The following UBE2O variants were observed in gnomAD, a reference collection of about 807,000 sequenced individuals.
UBE2O encodes the protein (E3-independent) E2 ubiquitin-conjugating enzyme.
A neutral mutation model predicts 125.8 loss-of-function variants in UBE2O; 15 were observed. The observed-to-expected ratio is 0.12, with a 90% CI of 0.08 to 0.18. The LOEUF (loss-of-function observed/expected upper bound fraction) is 0.18. Ranked by LOEUF, UBE2O falls within the 10% of genes least tolerant of loss-of-function variation. The pLI is 1.00. For missense variants in UBE2O, 1,280 were observed against 1,723.6 expected (o/e 0.74, Z 4.56); for synonymous variants, 708 against 703.2 (o/e 1.01, Z -0.11).
In UBE2O at chr17:76,390,535, G is replaced by C. The variant is rs1362504440; in HGVS notation, c.*408C>G. 1 of 168,698 alleles carries C rather than the reference G, an allele frequency of 5.9e-6. No homozygotes were observed. The highest frequency in any genetic ancestry group is 1.3e-5 in the Non-Finnish European group (1 of 78,894). 10.5% of individuals were successfully genotyped at this position (168,698 alleles called of 1,614,324 possible). A position where few individuals can be genotyped will look rare whatever the true frequency, so the allele number is the denominator to read the frequency against. On this transcript the variant is annotated 3_prime_UTR_variant, in exon 18 of 18. Transcript: ENST00000319380. ...TTGAAAGGGACCAGGGGAATTGTTG[G>C]CGCAACCCACACTTCATGCAAGGCA...
rs182501227 is a variant in UBE2O at position 76,404,757 on chromosome 17, A to G, written c.588+449T>C. 6.6e-6 allele frequency among the ~76,000 whole-genome samples: 1 copy of G among 152,076 alleles called. No individual in the cohort carries two copies. Among genetic ancestry groups the G allele is most frequent in the Admixed American group, 6.6e-5 (1 of 15,264 alleles). On this transcript the variant is annotated intron_variant, in intron 3 of 17. Coordinates refer to ENST00000319380, the MANE Select transcript of UBE2O (RefSeq NM_022066.4). This position sits in a 1 kb window ranked among gnomAD's most constrained non-coding sequence, Gnocchi z 4.3. ...GCTTGCTGTCAAATGTTTTGGGAAGAAAAAAGACCGGAGGGGGATCTCGGG... is the reference window on the plus strand; with the variant it reads ...GCTTGCTGTCAAATGTTTTGGGAAGGAAAAAGACCGGAGGGGGATCTCGGG...
At chr17:76,419,020 G>C (rs562562136) in intron 1 of UBE2O, among the ~76,000 whole-genome samples, 55 of 152,086 alleles carry the variant, frequency 3.6e-4, no homozygotes, top group Admixed American at 1.0e-3. Flanking sequence ...ACGGTGACTC[G>C]CGCTGTAATA....
At chr17:76,416,360 G>A (rs1420276078) in intron 1 of UBE2O, among the ~76,000 whole-genome samples, 1 of 152,112 alleles carries the variant, frequency 6.6e-6, no homozygotes, top group Admixed American at 6.5e-5. Context: ...TGCTGCCTGG[G>A]AATCATCTGA....
chr17:76,407,714 C>A (rs547025227), intron 1 of UBE2O, among the ~76,000 whole-genome samples: 6 of 152,232 alleles, frequency 3.9e-5, no homozygotes, highest in Non-Finnish European at 8.8e-5. Flanking sequence ...AAAAAAACAG[C>A]TGGTGAAAGC....
At position 76,399,169 on chromosome 17, in the gene UBE2O, A is replaced by C; in HGVS notation, c.1629-178T>G. The C allele has an allele frequency of 3.6e-6, 3 of 843,798 alleles. No homozygotes were observed. Among genetic ancestry groups the C allele is most frequent in the Non-Finnish European group, 5.4e-6 (3 of 558,148 alleles). The allele number at this position is 843,798 out of a possible 1,614,324, so 52.3% of individuals were successfully genotyped here. On this transcript the variant is annotated intron_variant, in intron 9 of 17. Coordinates refer to ENST00000319380, the MANE Select transcript of UBE2O (RefSeq NM_022066.4). The surrounding 1 kb of genome is among the most constrained non-coding windows in gnomAD (Gnocchi z 6.9). ...CTCACCCAGGGTTCCAAGGCCACGC[A>C]TTCTCTGAGAACAGGATCCACTTGG...
chr17:76,398,568 GTCTGGACAGC>G lies in UBE2O; in HGVS notation c.1790_1799del (p.Ser597ThrfsTer20). 6.2e-7 allele frequency: 1 copy of G among 1,614,050 alleles called. No individual in the cohort carries two copies. Among genetic ancestry groups the G allele is most frequent in the Non-Finnish European group, 8.5e-7 (1 of 1,180,008 alleles). On this transcript the variant is annotated frameshift_variant, in exon 11 of 18. Transcript: ENST00000319380. LOFTEE classifies it high-confidence loss of function. This position sits in a 1 kb window ranked among gnomAD's most constrained non-coding sequence, Gnocchi z 5.4. ...ACTGTACCACACCGTAGACAGCAGG[GTCTGGACAGC>G]TCTGGACTAGGGAACCAGAGAAAGG...
Position 76,396,100 on chromosome 17 carries a change from G to A in UBE2O, c.2809+28C>T, listed in dbSNP as rs751508295. On this transcript the variant is annotated intron_variant, in intron 14 of 17. Coordinates refer to ENST00000319380, the MANE Select transcript of UBE2O (RefSeq NM_022066.4). This position sits in a 1 kb window ranked among gnomAD's most constrained non-coding sequence, Gnocchi z 6.7. ...CAGGAGCCCCGAGAAGGCGGGGGAA[G>A]GCGAAGACCAGGCAAGGGCTGACTC... 8 of 1,606,594 alleles carry A rather than the reference G, an allele frequency of 5.0e-6. No individual in the cohort carries two copies. Among genetic ancestry groups the A allele is most frequent in the Non-Finnish European group, 6.8e-6 (8 of 1,176,190 alleles).
chr17:76,392,399 G>A (rs780378619), intron 15 of UBE2O, among the ~76,000 whole-genome samples: 1 of 151,962 alleles, frequency 6.6e-6, no homozygotes, highest in Non-Finnish European at 1.5e-5. Context: ...CCAAGTAGCC[G>A]GGACTACAGT....
rs1184331785 is a variant in UBE2O, at chr17:76,400,558, T to C, written c.895-8A>G. 12 of 1,596,322 alleles carry C rather than the reference T, an allele frequency of 7.5e-6. No homozygotes were observed. Among genetic ancestry groups the C allele is most frequent in the Admixed American group, 6.7e-5 (4 of 59,370 alleles). On this transcript the variant is annotated splice_region_variant and splice_polypyrimidine_tract_variant and intron_variant, in intron 6 of 17. Coordinates refer to ENST00000319380, the MANE Select transcript of UBE2O (RefSeq NM_022066.4). The surrounding 1 kb of genome is among the most constrained non-coding windows in gnomAD (Gnocchi z 4.3). Reference sequence around the variant, plus strand: ...CAACTCTACAACCTGCACCTGGGGATGGCAGGTGGGACACGCCAGTCAGGG... The same window carrying C: ...CAACTCTACAACCTGCACCTGGGGACGGCAGGTGGGACACGCCAGTCAGGG...
chr17:76,390,126 T>C lies in UBE2O; in HGVS notation c.*817A>G, dbSNP rs1208601177. On this transcript the variant is annotated 3_prime_UTR_variant, in exon 18 of 18. Transcript: ENST00000319380. ...CTGCACGCCTGTCCCAGTGTGACCATGTGATGGGGGAGGGGCCCTAGCACT... is the reference window on the plus strand; with the variant it reads ...CTGCACGCCTGTCCCAGTGTGACCACGTGATGGGGGAGGGGCCCTAGCACT... 3.9e-5 allele frequency: 6 copies of C among 152,552 alleles called. No homozygotes were observed. The highest frequency in any genetic ancestry group is 1.4e-4 in the African/African-American group (6 of 41,436). The allele number at this position is 152,552 out of a possible 1,614,324, so 9.4% of individuals were successfully genotyped here. A position where few individuals can be genotyped will look rare whatever the true frequency, so the allele number is the denominator to read the frequency against.
At chr17:76,408,530 C>G (rs1159349966) in intron 1 of UBE2O, among the ~76,000 whole-genome samples, 5 of 152,190 alleles carry the variant, frequency 3.3e-5, no homozygotes, top group Non-Finnish European at 5.9e-5. Flanking sequence ...CCCAGAGCTA[C>G]AGAGACAGGG....
At position 76,402,197 on chromosome 17, in the gene UBE2O, G is replaced by T; in HGVS notation, c.687-70C>A. ...GAGTACCAAAAAGTTGCGATTCTGA[G>T]ATGCCAATGCGCCCACATGCCCTAA... On this transcript the variant is annotated intron_variant, in intron 4 of 17. Coordinates refer to ENST00000319380, the MANE Select transcript of UBE2O (RefSeq NM_022066.4). This position sits in a 1 kb window ranked among gnomAD's most constrained non-coding sequence, Gnocchi z 5.4. 7.1e-7 allele frequency: 1 copy of T among 1,414,286 alleles called. No individual in the cohort carries two copies. Among genetic ancestry groups the T allele is most frequent in the Non-Finnish European group, 9.9e-7 (1 of 1,008,826 alleles). The allele number at this position is 1,414,286 out of a possible 1,614,324, so 87.6% of individuals were successfully genotyped here. A position where few individuals can be genotyped will look rare whatever the true frequency, so the allele number is the denominator to read the frequency against.
rs1422393777 is a variant in UBE2O, at chr17:76,404,227, C to A, written c.588+979G>T. Among the ~76,000 whole-genome samples, 1 of 152,178 alleles carries A rather than the reference C, an allele frequency of 6.6e-6. No individual in the cohort carries two copies. On this transcript the variant is annotated intron_variant, in intron 3 of 17. Transcript: ENST00000319380. This position sits in a 1 kb window ranked among gnomAD's most constrained non-coding sequence, Gnocchi z 4.3. ...TCTGGGACTACGTTCCCACAAAATA[C>A]AATCACTTAAAGGGGGTAAATGGTG...
At chr17:76,421,241 G>C (rs559448284) in intron 1 of UBE2O, among the ~76,000 whole-genome samples, 3 of 152,182 alleles carry the variant, frequency 2.0e-5, no homozygotes, top group South Asian at 4.1e-4. Context: ...GCAGAAAGAA[G>C]TGACGGCCTG....
chr17:76,439,396 G>T (rs554853500), intron 1 of UBE2O, among the ~76,000 whole-genome samples: 37 of 152,250 alleles, frequency 2.4e-4, no homozygotes, highest in African/African-American at 7.7e-4. Context: ...ACCCTTTCAG[G>T]AGGTCCAAAG....
At chr17:76,441,090 T>TTTCA (rs1373914777) in intron 1 of UBE2O, among the ~76,000 whole-genome samples, 1 of 152,184 alleles carries the variant, frequency 6.6e-6, no homozygotes, top group Non-Finnish European at 1.5e-5. Context: ...TTTCTCTGGG[T>TTTCA]TTCAGTCTTT....
In UBE2O at chr17:76,419,831, G is replaced by A. The variant is rs987888914; in HGVS notation, c.418-14259C>T. On this transcript the variant is annotated intron_variant, in intron 1 of 17. Coordinates refer to ENST00000319380, the MANE Select transcript of UBE2O (RefSeq NM_022066.4). Reference sequence around the variant, plus strand: ...CTCAGAGCTGTGACTAGAAGGGAGCGAGCTGGTGTGAAAGCGTGGCTCTAC... The same window carrying A: ...CTCAGAGCTGTGACTAGAAGGGAGCAAGCTGGTGTGAAAGCGTGGCTCTAC... 5.9e-5 allele frequency among the ~76,000 whole-genome samples: 9 copies of A among 152,214 alleles called. No individual in the cohort carries two copies. In the East Asian group the frequency reaches 1.5e-3, roughly 26 times the overall value.
chr17:76,452,572 T>C lies in UBE2O; in HGVS notation c.417+153A>G, dbSNP rs1415246385. Among the ~76,000 whole-genome samples the C allele has an allele frequency of 2.6e-5, 4 of 152,114 alleles. No homozygotes were observed. The highest frequency in any genetic ancestry group is 9.7e-5 in the African/African-American group (4 of 41,438). ...GCGCCCAGAGCTGCTGCAATGACTT[T>C]GCATGGAGTGTACCCTCCACTGGGG... is the stretch of plus-strand genomic sequence containing the variant. On this transcript the variant is annotated intron_variant, in intron 1 of 17. Transcript: ENST00000319380. The surrounding 1 kb of genome is among the most constrained non-coding windows in gnomAD (Gnocchi z 4.4).
In UBE2O at chr17:76,405,355, C is replaced by T; in HGVS notation, c.478-39G>A. The T allele has an allele frequency of 6.4e-7, 1 of 1,567,528 alleles. No homozygotes were observed. Among genetic ancestry groups the T allele is most frequent in the Non-Finnish European group, 8.7e-7 (1 of 1,144,172 alleles). On this transcript the variant is annotated intron_variant, in intron 2 of 17. Coordinates refer to ENST00000319380, the MANE Select transcript of UBE2O (RefSeq NM_022066.4). This position sits in a 1 kb window ranked among gnomAD's most constrained non-coding sequence, Gnocchi z 6.1. ...GAGACATGCAAGTCCCGTGGTGCAG[C>T]AGCCCTGGTCACCAGGGGAGACCCA...
Sources: gnomAD v4.1 joint callset for allele counts (sites outside exome capture counted in the v4.1 genomes callset) on GRCh38, gnomAD v4.1.1 for gene constraint, Gnocchi (gnomAD v3.1) non-coding constraint, MANE v1.5 for transcripts, NCBI Gene and HGNC (gene_info 2026-07-23, HGNC 2026-07-21) for gene names.